Variants in SIPA1L1 observed in about 807,000 individuals in gnomAD.
The protein encoded by SIPA1L1 is signal-induced proliferation-associated 1-like protein 1.
SIPA1L1 carries 26 observed loss-of-function variants against 162.7 expected under a neutral mutation model. The observed-to-expected ratio is 0.16, with a 90% CI of 0.12 to 0.22. The LOEUF (loss-of-function observed/expected upper bound fraction) is 0.22, where lower values mean the gene tolerates loss of function less well. Among genes scored for constraint, SIPA1L1 ranks in the 10% least tolerant of loss-of-function variants. The probability of loss-of-function intolerance (pLI) is 1.00; values close to 1 mark genes in which losing one functional copy is unlikely to be tolerated. For missense variants in SIPA1L1, 1,874 were observed against 2,241.0 expected, an observed-to-expected ratio of 0.84 and a Z score of 3.31; for synonymous variants, 829 against 837.4, an observed-to-expected ratio of 0.99 and a Z score of 0.17.
intron 2 of SIPA1L1, among the ~76,000 whole-genome samples, chr14:71,424,817 A>T (rs913386016): frequency 6.6e-6 from 1 of 152,070 alleles, no homozygotes; most frequent in East Asian, 1.9e-4. Context: ...CTTCAATTAT[A>T]TGGAAATTTG....
intron 2 of SIPA1L1, among the ~76,000 whole-genome samples, chr14:71,463,884 C>T (rs1378263932): frequency 6.6e-6 from 1 of 152,174 alleles, no homozygotes; most frequent in Non-Finnish European, 1.5e-5. Flanking sequence ...TTCTGATTGC[C>T]ACTTTGCCTC....
chr14:71,619,500 G>C (rs1253804636), intron 6 of SIPA1L1, among the ~76,000 whole-genome samples: 2 of 150,400 alleles, frequency 1.3e-5, no homozygotes. Context: ...AATGAAGTTT[G>C]GGCTAAAAAA....
At chr14:71,734,806 T>C (rs1482060586) in intron 21 of SIPA1L1, among the ~76,000 whole-genome samples, 1 of 152,244 alleles carries the variant, frequency 6.6e-6, no homozygotes, top group East Asian at 1.9e-4. Context: ...TTTTCTTGGC[T>C]TAAATTTTAA....
At chr14:71,600,116 G>A (rs895179391) in intron 5 of SIPA1L1, among the ~76,000 whole-genome samples, 14 of 151,990 alleles carry the variant, frequency 9.2e-5, no homozygotes, top group African/African-American at 2.9e-4. Flanking sequence ...TTTTACTTTA[G>A]TATAGTCCCA....
rs1280685195 is a variant in SIPA1L1 at position 71,672,431 on chromosome 14, G to A, written c.2913G>A (p.Glu971=). Residue 971 remains glutamate (E), a synonymous_variant, in exon 12 of 24, where the codon GAG becomes GAA. Coordinates refer to ENST00000381232, the MANE Select transcript of SIPA1L1 (RefSeq NM_001386936.1). ...LGQLGFHVNY[E]GIVADVEPYG... ...AGCTTGGCTTCCATGTCAACTATGA[G>A]GGCATTGTGGCGGATGTGGAGCCCT... 6.2e-7 allele frequency: 1 copy of A among 1,614,132 alleles called. No individual in the cohort carries two copies. The highest frequency in any genetic ancestry group is 8.5e-7 in the Non-Finnish European group (1 of 1,180,044).
intron 2 of SIPA1L1, among the ~76,000 whole-genome samples, chr14:71,495,739 A>G (rs1047150656): frequency 2.6e-5 from 4 of 152,000 alleles, no homozygotes; most frequent in Non-Finnish European, 5.9e-5. Context: ...TTTCTAAAAT[A>G]GGTTTAAGTT....
At chr14:71,536,176 T>G (rs2053883485) in intron 4 of SIPA1L1, among the ~76,000 whole-genome samples, 1 of 152,100 alleles carries the variant, frequency 6.6e-6, no homozygotes, top group Admixed American at 6.5e-5. Flanking sequence ...CAAAGGTTTA[T>G]GTAAGCAACA....
chr14:71,439,851 G>C (rs2044693990), intron 2 of SIPA1L1, among the ~76,000 whole-genome samples: 1 of 152,148 alleles, frequency 6.6e-6, no homozygotes, highest in Non-Finnish European at 1.5e-5. Context: ...TAGAGGTGAT[G>C]AATCACTTGG....
intron 4 of SIPA1L1, among the ~76,000 whole-genome samples, chr14:71,544,104 T>C (rs1002257763): frequency 2.6e-5 from 4 of 150,968 alleles, no homozygotes; most frequent in East Asian, 3.9e-4. Flanking sequence ...CACGCACATG[T>C]ATGTATATAC....
chr14:71,341,871 G>T (rs1459170213), intron 2 of SIPA1L1, among the ~76,000 whole-genome samples: 1 of 152,136 alleles, frequency 6.6e-6, no homozygotes, highest in Non-Finnish European at 1.5e-5. Context: ...GTTCTGTGGT[G>T]TATATGTACC....
chr14:71,599,460 CTTTTTTTT>C (rs111750084), intron 5 of SIPA1L1, among the ~76,000 whole-genome samples: 1 of 130,330 alleles, frequency 7.7e-6, no homozygotes, highest in East Asian at 2.3e-4. Context: ...CGATTTCATT[CTTTTTTTT>C]TTTTTTTTTT....
intron 4 of SIPA1L1, among the ~76,000 whole-genome samples, chr14:71,536,421 A>G (rs1028063928): frequency 6.6e-6 from 1 of 152,224 alleles, no homozygotes; most frequent in Admixed American, 6.5e-5. Flanking sequence ...TCTTGAAGCC[A>G]TTGTGGTATA....
At chr14:71,628,115 G>A (rs753886606) in intron 7 of SIPA1L1, among the ~76,000 whole-genome samples, 1 of 151,800 alleles carries the variant, frequency 6.6e-6, no homozygotes, top group African/African-American at 2.4e-5. Context: ...TGAGACCCCC[G>A]TCTCTAAAAA....
intron 2 of SIPA1L1, among the ~76,000 whole-genome samples, chr14:71,417,134 G>T (rs1197755088): frequency 1.3e-5 from 2 of 151,958 alleles, no homozygotes; most frequent in African/African-American, 2.4e-5. Flanking sequence ...ATGAACAGTT[G>T]AATAACATGC....
chr14:71,628,173 A>G (rs2040221763), intron 7 of SIPA1L1, among the ~76,000 whole-genome samples: 2 of 152,360 alleles, frequency 1.3e-5, no homozygotes, highest in Admixed American at 1.3e-4. Context: ...GAATTTTGTT[A>G]TTTAATCAAG....
intron 2 of SIPA1L1, among the ~76,000 whole-genome samples, chr14:71,383,794 T>G (rs2040099686): frequency 1.3e-5 from 2 of 152,078 alleles, no homozygotes; most frequent in African/African-American, 4.8e-5. Context: ...TAATCCATCA[T>G]GAGGGATCTG....
intron 4 of SIPA1L1, among the ~76,000 whole-genome samples, chr14:71,535,643 AG>A (rs2145551597): frequency 6.6e-6 from 1 of 151,224 alleles, no homozygotes; most frequent in East Asian, 1.9e-4. Context: ...ACAGAGTCTC[AG>A]TCTGTCACCT....
chr14:71,454,928 G>C (rs2046082303), intron 2 of SIPA1L1, among the ~76,000 whole-genome samples: 1 of 152,146 alleles, frequency 6.6e-6, no homozygotes, highest in Non-Finnish European at 1.5e-5. Context: ...CGGGACACCT[G>C]ATGTCACAGG....
Position 71,589,084 on chromosome 14 carries a change from T to C in SIPA1L1, c.1212T>C (p.Asp404=). The C allele has an allele frequency of 6.2e-7, 1 of 1,614,070 alleles. No homozygotes were observed. ...GAAGCCTCAGCATGGACCAGGGAGA[T>C]GATAAAAGCAATGAGCTTGTAATGA... is the stretch of plus-strand genomic sequence containing the variant. ...SKGSLSMDQG[D]DKSNELVMSC... is the part of the protein sequence containing the mutation. Residue 404 remains aspartate (D), a synonymous_variant, in exon 5 of 24, where the codon GAT becomes GAC. Transcript: ENST00000381232.
Sources: allele counts gnomAD v4.1 joint callset (sites outside exome capture counted in the v4.1 genomes callset), GRCh38; gene constraint gnomAD v4.1.1; transcripts MANE v1.5; gene names NCBI Gene and HGNC (gene_info 2026-07-23, HGNC 2026-07-21).